Variants in BRINP1 observed in about 807,000 individuals in gnomAD.
BRINP1 encodes the protein BMP/retinoic acid inducible neural specific 1, also known as BMP/retinoic acid-inducible neural-specific protein 1.
BRINP1 carries 17 observed loss-of-function variants against 72.9 expected under a neutral mutation model. The ratio of observed to expected loss-of-function variants is 0.23; its 90% CI spans 0.16 to 0.35. The LOEUF is 0.35. Among genes scored for constraint, BRINP1 ranks in the 10% least tolerant of loss-of-function variants. BRINP1 has a pLI of 1.00. For synonymous variants in BRINP1, 418 were observed against 378.5 expected (o/e 1.10, Z -1.21); for missense variants, 850 against 1,001.6 (o/e 0.85, Z 2.04).
At chr9:119,227,817 T>C (rs1830107368) in intron 5 of BRINP1, among the ~76,000 whole-genome samples, 2 of 152,020 alleles carry the variant, frequency 1.3e-5, no homozygotes, top group East Asian at 1.9e-4. Flanking sequence ...CTATTCACTC[T>C]CTGTCTTTTC....
intron 5 of BRINP1, among the ~76,000 whole-genome samples, chr9:119,228,617 T>C (rs1274169777): frequency 2.0e-5 from 3 of 152,068 alleles, no homozygotes; most frequent in Non-Finnish European, 4.4e-5. Context: ...TCCTGAGGAC[T>C]ATGTAGAATG....
intron 2 of BRINP1, among the ~76,000 whole-genome samples, chr9:119,259,737 A>C (rs1830480307): frequency 6.6e-6 from 1 of 152,188 alleles, no homozygotes; most frequent in African/African-American, 2.4e-5. Context: ...TCACTGACTT[A>C]AATTTTAGAT....
chr9:119,325,118 A>G (rs556349183), intron 1 of BRINP1, among the ~76,000 whole-genome samples: 135 of 151,660 alleles, frequency 8.9e-4, no homozygotes, highest in Non-Finnish European at 4.9e-4. Context: ...GAAAGAAAGA[A>G]AGAGAGAGAG....
intron 5 of BRINP1, among the ~76,000 whole-genome samples, chr9:119,217,003 G>T (rs181286008): frequency 5.9e-5 from 9 of 152,254 alleles, no homozygotes; most frequent in African/African-American, 2.2e-4. Context: ...GGGCAATTTC[G>T]AAAGAGAACA....
chr9:119,295,095 C>G (rs1460892142), intron 2 of BRINP1, among the ~76,000 whole-genome samples: 1 of 151,760 alleles, frequency 6.6e-6, no homozygotes, highest in African/African-American at 2.4e-5. Flanking sequence ...TCCCACTTCT[C>G]GATTTTAAAA....
intron 1 of BRINP1, among the ~76,000 whole-genome samples, chr9:119,329,795 C>T (rs1831280615): frequency 6.6e-6 from 1 of 152,174 alleles, no homozygotes; most frequent in African/African-American, 2.4e-5. Flanking sequence ...GATTATCATT[C>T]CTATTTCATA....
intron 7 of BRINP1, among the ~76,000 whole-genome samples, chr9:119,182,069 G>C (rs1046392284): frequency 2.0e-5 from 3 of 152,174 alleles, no homozygotes; most frequent in Non-Finnish European, 2.9e-5. Flanking sequence ...TAAAAACTCA[G>C]AGTGGGAAAG....
chr9:119,237,700 C>T (rs1481742905), intron 5 of BRINP1, among the ~76,000 whole-genome samples: 2 of 151,238 alleles, frequency 1.3e-5, no homozygotes, highest in African/African-American at 4.9e-5. Context: ...CTTGCTCTGT[C>T]GCCTAGGCTG....
Position 119,366,947 on chromosome 9 carries a change from G to A in BRINP1, c.-51+2109C>T, listed in dbSNP as rs1388515990. ...TGAATTAGGAAAGAGAGAAAATGAG[G>A]CAGTTCCCAAAAATGGGTCTCCTCC... is the stretch of plus-strand genomic sequence containing the variant. On this transcript the variant is annotated intron_variant, in intron 1 of 7. Transcript: ENST00000265922. 5.3e-5 allele frequency among the ~76,000 whole-genome samples: 8 copies of A among 151,860 alleles called. No homozygotes were observed. In the East Asian group the frequency reaches 1.4e-3, roughly 26 times the overall value.
At chr9:119,240,233 C>T (rs1309460247) in intron 4 of BRINP1, among the ~76,000 whole-genome samples, 1 of 152,146 alleles carries the variant, frequency 6.6e-6, no homozygotes, top group African/African-American at 2.4e-5. Flanking sequence ...CATGCCATTG[C>T]ACTCCAGCCT....
At chr9:119,357,831 T>A (rs10760035) in intron 1 of BRINP1, among the ~76,000 whole-genome samples, 56 of 151,962 alleles carry the variant, frequency 3.7e-4, no homozygotes, top group Non-Finnish European at 6.5e-4. Context: ...GACTAACCTA[T>A]CCCAAGACAA....
intron 6 of BRINP1, among the ~76,000 whole-genome samples, chr9:119,210,279 T>C (rs1829909722): frequency 6.6e-6 from 1 of 152,234 alleles, no homozygotes; most frequent in African/African-American, 2.4e-5. Flanking sequence ...TGGATTTATA[T>C]AAATATTATA....
At chr9:119,237,716 C>G (rs953673863) in intron 5 of BRINP1, among the ~76,000 whole-genome samples, 7 of 151,868 alleles carry the variant, frequency 4.6e-5, no homozygotes, top group African/African-American at 1.7e-4. Context: ...GGCTGGAGTG[C>G]AGTGGCGCAA....
intron 2 of BRINP1, among the ~76,000 whole-genome samples, chr9:119,260,557 T>G (rs537288755): frequency 6.6e-6 from 1 of 152,364 alleles, no homozygotes; most frequent in East Asian, 1.9e-4. Flanking sequence ...TGTTTTGCTT[T>G]GACAAAAGTA....
At chr9:119,282,022 A>G (rs1830717713) in intron 2 of BRINP1, among the ~76,000 whole-genome samples, 1 of 152,216 alleles carries the variant, frequency 6.6e-6, no homozygotes, top group Non-Finnish European at 1.5e-5. Context: ...AATGATTCCT[A>G]AAGTGGAATT....
intron 2 of BRINP1, among the ~76,000 whole-genome samples, chr9:119,303,448 T>C (rs1250188750): frequency 6.6e-6 from 1 of 152,084 alleles, no homozygotes; most frequent in Non-Finnish European, 1.5e-5. Context: ...CAGTAGGAAC[T>C]AGAAGACGAG....
rs1382116186 is a variant in BRINP1, at chr9:119,213,941, A to G, written c.900T>C (p.Ala300=). ...LANMAKSWAE[A]YKDLENSDEF... is the part of the protein sequence containing the mutation. The stretch of plus-strand genomic sequence containing the variant: ...TACCTGAATTCTCCAGGTCCTTATA[A>G]GCTTCGGCCCAAGACTTGGCCATGT... Residue 300 remains alanine, a synonymous_variant, in exon 6 of 8, where the codon GCT becomes GCC. Coordinates refer to ENST00000265922, the MANE Select transcript of BRINP1 (RefSeq NM_014618.3). 6 of 1,614,002 alleles carry G rather than the reference A, an allele frequency of 3.7e-6. No individual in the cohort carries two copies. The Admixed American group carries it at 6.7e-5, about 18-fold the overall frequency.
At chr9:119,209,610 C>A (rs976290614) in intron 6 of BRINP1, among the ~76,000 whole-genome samples, 2 of 151,836 alleles carry the variant, frequency 1.3e-5, no homozygotes, top group African/African-American at 2.4e-5. Context: ...TTATTGAATT[C>A]TCCAAAGAAA....
intron 2 of BRINP1, among the ~76,000 whole-genome samples, chr9:119,276,910 G>A (rs188441122): frequency 3.0e-4 from 45 of 152,216 alleles, no homozygotes; most frequent in Admixed American, 9.2e-4. Context: ...TTTGACAAAT[G>A]TATAGTATTA....
Sources: allele counts gnomAD v4.1 joint callset (sites outside exome capture counted in the v4.1 genomes callset), GRCh38; gene constraint gnomAD v4.1.1; transcripts MANE v1.5; gene names NCBI Gene and HGNC (gene_info 2026-07-23, HGNC 2026-07-21).